The following EXT1 variants were observed in gnomAD, a reference collection of about 807,000 sequenced individuals.
EXT1 encodes the protein exostosin glycosyltransferase 1, also known as exostosin-1.
EXT1 carries 20 observed loss-of-function variants against 82.5 expected under a neutral mutation model. The observed-to-expected ratio is 0.24, with a 90% CI of 0.17 to 0.35. The LOEUF is 0.35. Ranked by LOEUF, EXT1 falls within the 10% of genes least tolerant of loss-of-function variation. EXT1 has a pLI of 1.00. For synonymous variants in EXT1, 348 were observed against 350.8 expected, an observed-to-expected ratio of 0.99 and a Z score of 0.09; for missense variants, 757 against 936.5, an observed-to-expected ratio of 0.81 and a Z score of 2.50.
At chr8:117,888,647 T>G (rs1813191347) in intron 1 of EXT1, among the ~76,000 whole-genome samples, 1 of 152,150 alleles carries the variant, frequency 6.6e-6, no homozygotes, top group African/African-American at 2.4e-5. Flanking sequence ...AAACATGGCA[T>G]CTAAGGAAGC....
intron 1 of EXT1, among the ~76,000 whole-genome samples, chr8:117,959,952 G>A (rs1159633391): frequency 2.0e-5 from 3 of 152,312 alleles, no homozygotes; most frequent in Admixed American, 6.5e-5. Flanking sequence ...GGTTGCTCAC[G>A]CCTGTAATCC....
intron 1 of EXT1, among the ~76,000 whole-genome samples, chr8:118,069,308 A>C (rs1817046257): frequency 1.3e-5 from 2 of 152,184 alleles, no homozygotes; most frequent in Non-Finnish European, 2.9e-5. Context: ...AAACAGAATC[A>C]AAGAGTGGTC....
At chr8:118,095,892 A>C (rs749379812) in intron 1 of EXT1, among the ~76,000 whole-genome samples, 1 of 152,152 alleles carries the variant, frequency 6.6e-6, no homozygotes, top group Non-Finnish European at 1.5e-5. Context: ...CTAAACAAAC[A>C]AGCCACGATT....
rs548511143 is a variant in EXT1 at position 118,021,705 on chromosome 8, C to T, written c.962+88380G>A. On this transcript the variant is annotated intron_variant, in intron 1 of 10. Coordinates refer to ENST00000378204, the MANE Select transcript of EXT1 (RefSeq NM_000127.3). ...ATTGTCTGAATGTTTGAAACTTACC[C>T]TTGAGAAGCTATCATTGGGTTTTGC... Among the ~76,000 whole-genome samples the T allele has an allele frequency of 2.4e-4, 37 of 152,270 alleles. 1 individual carries two copies. In the South Asian group the frequency reaches 7.0e-3, roughly 29 times the overall value.
intron 1 of EXT1, among the ~76,000 whole-genome samples, chr8:117,997,765 T>G (rs1425006342): frequency 6.6e-6 from 1 of 152,120 alleles, no homozygotes; most frequent in Admixed American, 6.5e-5. Context: ...TGATGATATT[T>G]TATAAGTTAA....
intron 1 of EXT1, among the ~76,000 whole-genome samples, chr8:118,074,491 A>C (rs1251086848): frequency 6.6e-6 from 1 of 152,134 alleles, no homozygotes; most frequent in Non-Finnish European, 1.5e-5. Context: ...CGGGCCAGGC[A>C]GAGCCCCACG....
intron 8 of EXT1, among the ~76,000 whole-genome samples, chr8:117,809,214 T>A (rs1242078970): frequency 2.7e-5 from 2 of 74,452 alleles, no homozygotes; most frequent in African/African-American, 9.4e-5. Flanking sequence ...TGTGTGTGTG[T>A]ATAAATATAT....
chr8:117,978,817 C>T (rs1815122668), intron 1 of EXT1, among the ~76,000 whole-genome samples: 1 of 152,212 alleles, frequency 6.6e-6, no homozygotes, highest in African/African-American at 2.4e-5. Flanking sequence ...TAACAACTAC[C>T]TGTGGCGACA....
In EXT1 at chr8:118,110,365, G is replaced by A; in HGVS notation, c.682C>T (p.Pro228Ser). ...AGGGGAATAGAAACATCAAAGTTGG[G>A]TCGGAAGTTTTCAGTACTGATGCTG... The part of the protein sequence containing the change: ...KASISTENFR[P>S]NFDVSIPLFS... The change falls in exon 1 of 11, where the codon CCC becomes TCC. Residue 228 changes from proline to serine, a missense_variant. By Grantham distance (74) the Pro-to-Ser change is moderately conservative. Coordinates refer to ENST00000378204, the MANE Select transcript of EXT1 (RefSeq NM_000127.3). The A allele has an allele frequency of 6.2e-7, 1 of 1,614,220 alleles. No homozygotes were observed. Among genetic ancestry groups the A allele is most frequent in the East Asian group, 2.2e-5 (1 of 44,878 alleles).
rs1436707002 is a variant in EXT1, at chr8:117,975,228, G to A, written c.962+134857C>T. On this transcript the variant is annotated intron_variant, in intron 1 of 10. Transcript: ENST00000378204. ...TGTTTAGGAGACAAATCTGGTGAGC[G>A]TCCAGCTGGGAAATACCATTTGGGT... Among the ~76,000 whole-genome samples the A allele has an allele frequency of 4.6e-5, 7 of 152,082 alleles. No individual in the cohort carries two copies. The East Asian group carries it at 7.7e-4, about 17-fold the overall frequency.
At chr8:117,882,978 A>AAC (rs1787037097) in intron 1 of EXT1, among the ~76,000 whole-genome samples, 4 of 151,102 alleles carry the variant, frequency 2.6e-5, no homozygotes, top group Admixed American at 2.6e-4. Context: ...CTCTGTCTCA[A>AAC]AGAAAAAAAA....
chr8:118,072,444 T>C (rs1817112343), intron 1 of EXT1, among the ~76,000 whole-genome samples: 2 of 152,218 alleles, frequency 1.3e-5, no homozygotes, highest in African/African-American at 4.8e-5. Context: ...CTGCCTTACA[T>C]TGTTGCCTAA....
chr8:118,074,574 G>GGA (rs1817170300), intron 1 of EXT1, among the ~76,000 whole-genome samples: 1 of 132,260 alleles, frequency 7.6e-6, no homozygotes, highest in African/African-American at 3.1e-5. Context: ...AGAGAAGAGA[G>GGA]AAAAAAAAAA....
At chr8:117,824,978 C>T (rs1018512395) in intron 4 of EXT1, among the ~76,000 whole-genome samples, 3 of 151,992 alleles carry the variant, frequency 2.0e-5, no homozygotes, top group Non-Finnish European at 4.4e-5. Context: ...AGGATACTCC[C>T]GCCTCAGCCT....
intron 1 of EXT1, among the ~76,000 whole-genome samples, chr8:117,894,468 G>A (rs1034257798): frequency 1.2e-4 from 18 of 152,276 alleles, no homozygotes; most frequent in African/African-American, 3.4e-4. Context: ...ACTTCACAAC[G>A]CTGTTATAAT....
chr8:118,073,645 A>AAGAGCAGAGCAGAGCAGAGC (rs1817143616), intron 1 of EXT1, among the ~76,000 whole-genome samples: 29 of 96,600 alleles, frequency 3.0e-4, no homozygotes, highest in South Asian at 1.1e-3. Context: ...AAGAGAAGAG[A>AAGAGCAGAGCAGAGCAGAGC]AGAGAAGAGA....
chr8:117,858,745 GAA>G (rs1812613280), intron 1 of EXT1, among the ~76,000 whole-genome samples: 1 of 108,296 alleles, frequency 9.2e-6, no homozygotes, highest in Non-Finnish European at 1.9e-5. Context: ...AGGAAGGAAG[GAA>G]GGAAGGAAGG....
At chr8:117,843,695 G>T (rs1812308261) in intron 1 of EXT1, among the ~76,000 whole-genome samples, 1 of 152,088 alleles carries the variant, frequency 6.6e-6, no homozygotes, top group Non-Finnish European at 1.5e-5. Context: ...TTGAGCAGAA[G>T]AATGACATGG....
chr8:117,988,726 C>A (rs946747318), intron 1 of EXT1, among the ~76,000 whole-genome samples: 4 of 152,066 alleles, frequency 2.6e-5, no homozygotes, highest in Admixed American at 2.0e-4. Flanking sequence ...TACTCCAATG[C>A]GAAGAAGGGG....
Sources: gnomAD v4.1 joint callset for allele counts (sites outside exome capture counted in the v4.1 genomes callset) on GRCh38, gnomAD v4.1.1 for gene constraint, MANE v1.5 for transcripts, NCBI Gene and HGNC (gene_info 2026-07-23, HGNC 2026-07-21) for gene names.